The following GALNTL6 variants were observed in gnomAD, a reference collection of about 807,000 sequenced individuals.
GALNTL6 encodes the protein polypeptide N-acetylgalactosaminyltransferase-like 6.
A neutral mutation model predicts 73.7 loss-of-function variants in GALNTL6; 46 were observed. The ratio of observed to expected loss-of-function variants is 0.62; its 90% confidence interval spans 0.49 to 0.80. The LOEUF (loss-of-function observed/expected upper bound fraction) is 0.80, where lower values mean the gene tolerates loss of function less well. GALNTL6 is among the 30% of genes least tolerant of loss of function. The pLI, the probability that GALNTL6 is intolerant of heterozygous loss-of-function variation, is 0.00. For missense variants in GALNTL6, 604 were observed against 755.0 expected (o/e 0.80, Z 2.34); for synonymous variants, 259 against 263.7 (o/e 0.98, Z 0.17).
intron 7 of GALNTL6, among the ~76,000 whole-genome samples, chr4:172,838,152 G>A (rs1352901341): frequency 6.6e-6 from 1 of 151,796 alleles, no homozygotes; most frequent in East Asian, 1.9e-4. Context: ...GAGAGATGGG[G>A]GGGCACAGAT....
At chr4:171,886,017 C>A (rs1363355435) in intron 2 of GALNTL6, among the ~76,000 whole-genome samples, 2 of 151,660 alleles carry the variant, frequency 1.3e-5, no homozygotes, top group African/African-American at 4.8e-5. Flanking sequence ...GCTGTTAGAA[C>A]CAGAAAAAAT....
chr4:172,950,484 C>A lies in GALNTL6; in HGVS notation c.1150-1553C>A, dbSNP rs370777803. The stretch of plus-strand genomic sequence containing the variant: ...GGTTAACAGAGCCCTTCTTGGTGCC[C>A]ACCGTCCACCAAAAGCACCCAAGGA... On this transcript the variant is annotated intron_variant, in intron 9 of 12. Coordinates refer to ENST00000506823, the MANE Select transcript of GALNTL6 (RefSeq NM_001034845.3). Among the ~76,000 whole-genome samples the A allele has an allele frequency of 6.6e-5, 10 of 152,274 alleles. No individual in the cohort carries two copies. The East Asian group carries it at 1.9e-3, about 29-fold the overall frequency.
chr4:172,658,172 A>G (rs1286115395), intron 5 of GALNTL6, among the ~76,000 whole-genome samples: 2 of 133,980 alleles, frequency 1.5e-5, no homozygotes, highest in Non-Finnish European at 3.2e-5. Flanking sequence ...AAAAAAAAGA[A>G]ATATCTTTGT....
chr4:172,337,110 A>G (rs1190590551), intron 4 of GALNTL6, among the ~76,000 whole-genome samples: 1 of 151,524 alleles, frequency 6.6e-6, no homozygotes, highest in Non-Finnish European at 1.5e-5. Context: ...TTTGTTTTCC[A>G]TTTGTGTAAT....
At chr4:172,341,917 G>A (rs1282249514) in intron 4 of GALNTL6, among the ~76,000 whole-genome samples, 2 of 152,054 alleles carry the variant, frequency 1.3e-5, no homozygotes, top group Non-Finnish European at 2.9e-5. Context: ...TTGACTAAAA[G>A]GAAATCTCAA....
intron 2 of GALNTL6, among the ~76,000 whole-genome samples, chr4:172,195,010 A>C (rs28848637): frequency 0.35 from 53,709 of 151,938 alleles, 9,665 homozygotes; most frequent in Admixed American, 0.38. Flanking sequence ...GGCAAGCTGG[A>C]TAAAGAGTCA....
At chr4:172,227,633 C>T (rs554172155) in intron 2 of GALNTL6, among the ~76,000 whole-genome samples, 195 of 152,270 alleles carry the variant, frequency 1.3e-3, no homozygotes, top group Non-Finnish European at 2.3e-3. Flanking sequence ...AAAAATACTT[C>T]CTTCCCAGCA....
intron 2 of GALNTL6, among the ~76,000 whole-genome samples, chr4:172,031,148 G>T (rs1741755777): frequency 6.6e-6 from 1 of 152,072 alleles, no homozygotes; most frequent in African/African-American, 2.4e-5. Flanking sequence ...CCGTTTCTCG[G>T]CCTTATGACT....
chr4:173,006,316 A>G (rs1320754045), intron 10 of GALNTL6, among the ~76,000 whole-genome samples: 1 of 152,156 alleles, frequency 6.6e-6, no homozygotes, highest in Non-Finnish European at 1.5e-5. Context: ...TGTGAGTTAA[A>G]TGGCCCAAGA....
intron 5 of GALNTL6, among the ~76,000 whole-genome samples, chr4:172,559,333 G>T (rs1478143659): frequency 1.3e-5 from 2 of 151,816 alleles, no homozygotes; most frequent in Non-Finnish European, 2.9e-5. Flanking sequence ...CAAAGTGCTG[G>T]GATTAGATGA....
intron 9 of GALNTL6, among the ~76,000 whole-genome samples, chr4:172,941,520 C>T (rs1748921205): frequency 1.3e-5 from 2 of 152,204 alleles, no homozygotes; most frequent in South Asian, 2.1e-4. Flanking sequence ...ACATAACTTT[C>T]TTTTTTCAAA....
At position 172,783,665 on chromosome 4, in the gene GALNTL6, G is replaced by A. The variant is rs1214211499; in HGVS notation, c.554-25696G>A. Among the ~76,000 whole-genome samples the A allele has an allele frequency of 2.0e-5, 3 of 151,770 alleles. No homozygotes were observed. The East Asian group carries it at 5.8e-4, about 29-fold the overall frequency. Reference sequence around the variant, plus strand: ...TGAGTCTAATACGGGTAAAATCAAGGTGTTAATAGGGCTGGTTCCTTCTGG... The same window carrying A: ...TGAGTCTAATACGGGTAAAATCAAGATGTTAATAGGGCTGGTTCCTTCTGG... On this transcript the variant is annotated intron_variant, in intron 5 of 12. Coordinates refer to ENST00000506823, the MANE Select transcript of GALNTL6 (RefSeq NM_001034845.3).
At chr4:172,545,982 T>C (rs1294189482) in intron 5 of GALNTL6, among the ~76,000 whole-genome samples, 2 of 152,186 alleles carry the variant, frequency 1.3e-5, no homozygotes, top group South Asian at 2.1e-4. Flanking sequence ...TTACTATTTA[T>C]TAAGTGCCTA....
At chr4:172,099,691 A>G (rs1732458201) in intron 2 of GALNTL6, among the ~76,000 whole-genome samples, 2 of 152,178 alleles carry the variant, frequency 1.3e-5, no homozygotes, top group Non-Finnish European at 2.9e-5. Flanking sequence ...GAAACTTCAA[A>G]TCATTTTTGA....
At chr4:172,333,603 T>C (rs1019840615) in intron 4 of GALNTL6, among the ~76,000 whole-genome samples, 4 of 152,150 alleles carry the variant, frequency 2.6e-5, no homozygotes, top group South Asian at 2.1e-4. Flanking sequence ...TAACAGCCTC[T>C]TTTTCTGTTA....
chr4:171,868,585 G>A (rs903037381), intron 2 of GALNTL6, among the ~76,000 whole-genome samples: 2 of 152,108 alleles, frequency 1.3e-5, no homozygotes, highest in African/African-American at 4.8e-5. Flanking sequence ...TTTCACCTAG[G>A]ACATTTTGCT....
At chr4:172,045,072 G>T (rs1742181222) in intron 2 of GALNTL6, among the ~76,000 whole-genome samples, 1 of 151,914 alleles carries the variant, frequency 6.6e-6, no homozygotes, top group African/African-American at 2.4e-5. Context: ...CATTGTTCAT[G>T]ATATATACTA....
intron 2 of GALNTL6, among the ~76,000 whole-genome samples, chr4:172,202,077 A>G (rs893873858): frequency 6.6e-6 from 1 of 152,226 alleles, no homozygotes; most frequent in African/African-American, 2.4e-5. Context: ...GTGAGGCATT[A>G]GTGAAAAATA....
chr4:172,901,343 C>T lies in GALNTL6; in HGVS notation c.1041+18436C>T, dbSNP rs531466684. Among the ~76,000 whole-genome samples, 5 of 152,152 alleles carry T rather than the reference C, an allele frequency of 3.3e-5. No individual in the cohort carries two copies. In the South Asian group the frequency reaches 1.0e-3, roughly 32 times the overall value. ...TAAAAGGAATCAAAAGAGTTGTAGA[C>T]AAATATCTCTGTTAAATGGTAATAA... On this transcript the variant is annotated intron_variant, in intron 8 of 12. Coordinates refer to ENST00000506823, the MANE Select transcript of GALNTL6 (RefSeq NM_001034845.3).
Sources: allele counts gnomAD v4.1 joint callset (sites outside exome capture counted in the v4.1 genomes callset), GRCh38; gene constraint gnomAD v4.1.1; transcripts MANE v1.5; gene names NCBI Gene and HGNC (gene_info 2026-07-23, HGNC 2026-07-21).